Variants in TAFA1 observed in about 807,000 individuals in gnomAD.
TAFA1 encodes the protein chemokine-like protein TAFA-1.
Under a neutral mutation model 18.5 loss-of-function variants are expected in TAFA1, and 4 were observed. That is an observed-to-expected ratio of 0.22 (90% CI 0.11 to 0.49). The LOEUF (loss-of-function observed/expected upper bound fraction) is 0.49, where lower values mean the gene tolerates loss of function less well. Among genes scored for constraint, TAFA1 ranks in the 20% least tolerant of loss-of-function variants. The pLI, the probability that TAFA1 is intolerant of heterozygous loss-of-function variation, is 0.98. For synonymous variants in TAFA1, 56 were observed against 55.2 expected (o/e 1.01, Z -0.06); for missense variants, 147 against 169.0 (o/e 0.87, Z 0.72).
At chr3:68,081,485 G>A (rs2064899580) in intron 2 of TAFA1, among the ~76,000 whole-genome samples, 1 of 151,746 alleles carries the variant, frequency 6.6e-6, no homozygotes. Flanking sequence ...GTACAGATGG[G>A]TTTTTGGTGT....
chr3:68,504,230 A>T (rs1252699200), intron 3 of TAFA1, among the ~76,000 whole-genome samples: 2 of 152,252 alleles, frequency 1.3e-5, no homozygotes, highest in Middle Eastern at 3.4e-3. Context: ...CATAAAACCT[A>T]GTCCCTCTTG....
intron 2 of TAFA1, among the ~76,000 whole-genome samples, chr3:68,415,874 C>T (rs1044643195): frequency 4.6e-5 from 7 of 152,148 alleles, no homozygotes; most frequent in Admixed American, 3.9e-4. Flanking sequence ...ACTCTTCCCT[C>T]CTATGGAGAG....
intron 3 of TAFA1, among the ~76,000 whole-genome samples, chr3:68,423,750 A>C (rs1439324471): frequency 6.6e-5 from 10 of 151,156 alleles, no homozygotes; most frequent in Non-Finnish European, 1.0e-4. Flanking sequence ...GTTGTCTTGT[A>C]ATTTTTATCT....
chr3:68,081,186 G>T (rs1017521146), intron 2 of TAFA1, among the ~76,000 whole-genome samples: 1 of 152,060 alleles, frequency 6.6e-6, no homozygotes, highest in Non-Finnish European at 1.5e-5. Flanking sequence ...GCACTTCTTT[G>T]TATTGGTTAT....
rs191847296 is a variant in TAFA1 at position 68,405,118 on chromosome 3, G to A, written c.119-12162G>A. 6.6e-5 allele frequency among the ~76,000 whole-genome samples: 10 copies of A among 152,156 alleles called. No individual in the cohort carries two copies. In the East Asian group the frequency reaches 1.9e-3, roughly 29 times the overall value. ...ATCATATTGCAGTGTCTGCTTTTTT[G>A]TTGTTGACTGTACCTTTATATCTTC... On this transcript the variant is annotated intron_variant, in intron 2 of 4. Transcript: ENST00000478136.
At chr3:68,431,699 G>A (rs1015803971) in intron 3 of TAFA1, among the ~76,000 whole-genome samples, 1 of 151,990 alleles carries the variant, frequency 6.6e-6, no homozygotes, top group African/African-American at 2.4e-5. Flanking sequence ...AACACACAGA[G>A]GCTTGAATTT....
intron 2 of TAFA1, among the ~76,000 whole-genome samples, chr3:68,154,778 C>T (rs1400870136): frequency 1.3e-5 from 2 of 152,256 alleles, no homozygotes; most frequent in East Asian, 1.9e-4. Flanking sequence ...AGTACACACG[C>T]ACCCCACACA....
chr3:68,154,878 G>C (rs561312689), intron 2 of TAFA1, among the ~76,000 whole-genome samples: 11 of 152,240 alleles, frequency 7.2e-5, no homozygotes, highest in South Asian at 2.1e-4. Context: ...GCATAGAAAG[G>C]CTTGGCTACC....
chr3:68,433,952 T>A (rs1182368586), intron 3 of TAFA1, among the ~76,000 whole-genome samples: 1 of 152,110 alleles, frequency 6.6e-6, no homozygotes, highest in Non-Finnish European at 1.5e-5. Context: ...ACTTGAGCAT[T>A]GTTTATGTGT....
chr3:68,427,946 G>A (rs572444421), intron 3 of TAFA1, among the ~76,000 whole-genome samples: 1 of 151,942 alleles, frequency 6.6e-6, no homozygotes, highest in East Asian at 1.9e-4. Flanking sequence ...CTTCTGCCAG[G>A]ATTATGAGCC....
At chr3:68,387,623 T>A (rs141346544) in intron 2 of TAFA1, among the ~76,000 whole-genome samples, 1 of 152,118 alleles carries the variant, frequency 6.6e-6, no homozygotes, top group Admixed American at 6.6e-5. Context: ...ATGTATTAGA[T>A]TGATTTATTT....
chr3:68,055,911 T>C (rs1406730616), intron 2 of TAFA1, among the ~76,000 whole-genome samples: 6 of 152,120 alleles, frequency 3.9e-5, no homozygotes, highest in Non-Finnish European at 7.4e-5. Flanking sequence ...CTGCAGAAGA[T>C]GAGAGTCTCT....
chr3:68,179,165 A>T (rs753920478), intron 2 of TAFA1, among the ~76,000 whole-genome samples: 4 of 152,194 alleles, frequency 2.6e-5, no homozygotes, highest in Non-Finnish European at 4.4e-5. Flanking sequence ...GCTATAACTT[A>T]CTTCCAGGAA....
chr3:68,448,807 G>A (rs2071517719), intron 3 of TAFA1, among the ~76,000 whole-genome samples: 1 of 152,136 alleles, frequency 6.6e-6, no homozygotes, highest in Admixed American at 6.5e-5. Flanking sequence ...TTTTCTCACT[G>A]TAAAATGGGA....
At chr3:68,120,620 C>G (rs558323147) in intron 2 of TAFA1, among the ~76,000 whole-genome samples, 2 of 152,242 alleles carry the variant, frequency 1.3e-5, no homozygotes, top group South Asian at 4.1e-4. Flanking sequence ...CTCATCTTAC[C>G]TGTGGTGAGG....
intron 2 of TAFA1, among the ~76,000 whole-genome samples, chr3:68,330,430 G>A (rs9820586): frequency 0.05 from 7,670 of 152,256 alleles, 237 homozygotes; most frequent in African/African-American, 0.086. Flanking sequence ...AAGTCACACA[G>A]GGGGATCTGG....
At chr3:68,502,357 A>G (rs1343168453) in intron 3 of TAFA1, among the ~76,000 whole-genome samples, 1 of 152,162 alleles carries the variant, frequency 6.6e-6, no homozygotes, top group Non-Finnish European at 1.5e-5. Flanking sequence ...ACAGAAAAAA[A>G]AAGACTTTCA....
At chr3:68,166,355 T>C (rs553055276) in intron 2 of TAFA1, among the ~76,000 whole-genome samples, 17 of 152,302 alleles carry the variant, frequency 1.1e-4, no homozygotes, top group African/African-American at 3.9e-4. Flanking sequence ...GCTTTCTTTT[T>C]CCTCTCACTT....
At chr3:68,416,024 G>A (rs1201023431) in intron 2 of TAFA1, among the ~76,000 whole-genome samples, 1 of 152,196 alleles carries the variant, frequency 6.6e-6, no homozygotes, top group Non-Finnish European at 1.5e-5. Context: ...ATTGTGGGAT[G>A]TTTAACATAG....
Sources: gnomAD v4.1 joint callset for allele counts (sites outside exome capture counted in the v4.1 genomes callset) on GRCh38, gnomAD v4.1.1 for gene constraint, MANE v1.5 for transcripts, NCBI Gene and HGNC (gene_info 2026-07-23, HGNC 2026-07-21) for gene names.